Variants in GRIN2A observed in about 807,000 individuals in gnomAD.
GRIN2A encodes glutamate receptor ionotropic, NMDA 2A.
GRIN2A carries 22 observed loss-of-function variants against 113.4 expected under a neutral mutation model. That is an observed-to-expected ratio of 0.19 (90% CI 0.14 to 0.28). The LOEUF is 0.28. Ranked by LOEUF, GRIN2A falls within the 10% of genes least tolerant of loss-of-function variation. The probability of loss-of-function intolerance (pLI) is 1.00; values close to 1 mark genes in which losing one functional copy is unlikely to be tolerated. For synonymous variants in GRIN2A, 827 were observed against 738.4 expected (o/e 1.12, Z -1.94); for missense variants, 1,502 against 1,887.0 (o/e 0.80, Z 3.78).
intron 2 of GRIN2A, among the ~76,000 whole-genome samples, chr16:10,116,645 C>G (rs915849469): frequency 3.3e-5 from 5 of 152,008 alleles, no homozygotes; most frequent in African/African-American, 9.7e-5. Context: ...AAAAATAAGA[C>G]AGGAAAGGAA....
At chr16:9,985,372 ATCAAGGAGACATC>A (rs1002247750) in intron 2 of GRIN2A, among the ~76,000 whole-genome samples, 1 of 152,236 alleles carries the variant, frequency 6.6e-6, no homozygotes, top group Non-Finnish European at 1.5e-5. Context: ...AGAGGAAAAT[ATCAAGGAGACATC>A]TGCACTCCCA....
chr16:10,082,781 C>T (rs2048008778), intron 2 of GRIN2A, among the ~76,000 whole-genome samples: 1 of 152,208 alleles, frequency 6.6e-6, no homozygotes, highest in Non-Finnish European at 1.5e-5. Context: ...ATAGCTGATA[C>T]ACAAGCCAAG....
intron 2 of GRIN2A, among the ~76,000 whole-genome samples, chr16:10,073,562 A>T (rs1233814490): frequency 1.3e-5 from 2 of 152,166 alleles, no homozygotes; most frequent in Non-Finnish European, 2.9e-5. Context: ...AGAAATTCCT[A>T]ATCTACCGTG....
intron 11 of GRIN2A, among the ~76,000 whole-genome samples, chr16:9,770,590 C>T (rs1032258762): frequency 6.6e-6 from 1 of 152,120 alleles, no homozygotes; most frequent in Non-Finnish European, 1.5e-5. Flanking sequence ...TATATTTTCT[C>T]TCTAGTTGCT....
Position 9,798,269 on chromosome 16 carries a change from G to T in GRIN2A, c.2356+8C>A, listed in dbSNP as rs1282296149. 1 of 1,612,602 alleles carries T rather than the reference G, an allele frequency of 6.2e-7. No homozygotes were observed. The highest frequency in any genetic ancestry group is 1.7e-5 in the Admixed American group (1 of 59,976). On this transcript the variant is annotated splice_region_variant and intron_variant, in intron 11 of 12. Coordinates refer to ENST00000330684, the MANE Select transcript of GRIN2A (RefSeq NM_001134407.3). ...CCCCCTAAAGAAAGGGGTCACCCGG[G>T]GTCTTACCATCACCCACAAACTGAA...
intron 2 of GRIN2A, among the ~76,000 whole-genome samples, chr16:10,001,547 C>G (rs1313889523): frequency 6.6e-6 from 1 of 152,194 alleles, no homozygotes; most frequent in Non-Finnish European, 1.5e-5. Flanking sequence ...ATCGTGAACA[C>G]AACATGGGAA....
Position 10,039,785 on chromosome 16 carries a change from G to GGGAGGGGGAGA in GRIN2A, c.415-101235_415-101234insTCTCCCCCTCC, listed in dbSNP as rs1444247762. ...GCAAGGGAGGGAGAGGGAGGGGGAGGGGGAGGGGGAGGGGGAGGGGGGGGA... is the reference window on the plus strand; with the variant it reads ...GCAAGGGAGGGAGAGGGAGGGGGAGGGGAGGGGGAGAGGGAGGGGGAGGGGGAGGGGGGGGA... On this transcript the variant is annotated intron_variant, in intron 2 of 12. Coordinates refer to ENST00000330684, the MANE Select transcript of GRIN2A (RefSeq NM_001134407.3). Among the ~76,000 whole-genome samples the GGGAGGGGGAGA allele has an allele frequency of 1.6e-3, 118 of 75,888 alleles. 1 individual carries two copies. The highest frequency in any genetic ancestry group is 5.1e-3 in the African/African-American group (115 of 22,462). The allele number at this position is 75,888 out of a possible 152,430, so 49.8% of individuals were successfully genotyped here. A position where few individuals can be genotyped will look rare whatever the true frequency, so the allele number is the denominator to read the frequency against.
At chr16:9,979,000 G>A (rs1054248956) in intron 2 of GRIN2A, among the ~76,000 whole-genome samples, 1 of 152,174 alleles carries the variant, frequency 6.6e-6, no homozygotes, top group East Asian at 1.9e-4. Context: ...AAATCCTGAC[G>A]TTGATTTCAG....
At chr16:9,846,050 A>G (rs9934443) in intron 5 of GRIN2A, among the ~76,000 whole-genome samples, 8,059 of 152,296 alleles carry the variant, frequency 0.053, 709 homozygotes, top group African/African-American at 0.18. Context: ...ACTTATAACA[A>G]TGTCTGTGTT....
intron 10 of GRIN2A, among the ~76,000 whole-genome samples, chr16:9,803,541 C>T (rs1448707805): frequency 6.6e-6 from 1 of 152,152 alleles, no homozygotes; most frequent in Non-Finnish European, 1.5e-5. Context: ...ATGCTCGAAA[C>T]ACATAAATGC....
At chr16:9,813,600 T>C (rs1361465072) in intron 10 of GRIN2A, among the ~76,000 whole-genome samples, 1 of 151,482 alleles carries the variant, frequency 6.6e-6, no homozygotes, top group Non-Finnish European at 1.5e-5. Flanking sequence ...GACATTTTTT[T>C]CTACTTTAAA....
At chr16:9,867,701 C>T (rs936081667) in intron 4 of GRIN2A, among the ~76,000 whole-genome samples, 3 of 152,208 alleles carry the variant, frequency 2.0e-5, no homozygotes, top group Non-Finnish European at 4.4e-5. Flanking sequence ...TGTCAGGACA[C>T]TACCATTACC....
At chr16:10,015,807 A>G (rs529889656) in intron 2 of GRIN2A, among the ~76,000 whole-genome samples, 2 of 152,322 alleles carry the variant, frequency 1.3e-5, no homozygotes, top group South Asian at 4.2e-4. Flanking sequence ...AGTGTGGGAA[A>G]TGGACAGCCA....
intron 11 of GRIN2A, among the ~76,000 whole-genome samples, chr16:9,790,508 C>T (rs1247754901): frequency 1.3e-5 from 2 of 152,130 alleles, no homozygotes; most frequent in Non-Finnish European, 2.9e-5. Flanking sequence ...TAAATATGTG[C>T]ATATATGTGC....
chr16:9,809,910 G>C (rs562680501), intron 10 of GRIN2A, among the ~76,000 whole-genome samples: 1 of 151,950 alleles, frequency 6.6e-6, no homozygotes, highest in Admixed American at 6.6e-5. Flanking sequence ...TCTACTAAAA[G>C]TACAAAAATT....
At chr16:9,901,117 G>C (rs1373421589) in intron 3 of GRIN2A, among the ~76,000 whole-genome samples, 1 of 152,172 alleles carries the variant, frequency 6.6e-6, no homozygotes, top group Non-Finnish European at 1.5e-5. Context: ...CAGGGATTTT[G>C]CCTGGTTTTT....
At chr16:9,794,498 G>A (rs1902844808) in intron 11 of GRIN2A, 1 of 152,188 alleles carries the variant, frequency 6.6e-6, no homozygotes, top group African/African-American at 2.4e-5. Flanking sequence ...ATGCAGCTGT[G>A]TTAATTCATG....
chr16:9,815,535 C>A (rs1481394489), intron 10 of GRIN2A, among the ~76,000 whole-genome samples: 3 of 151,610 alleles, frequency 2.0e-5, no homozygotes, highest in Non-Finnish European at 4.4e-5. Flanking sequence ...GCGCTCGATA[C>A]CACTAATCAT....
chr16:10,036,466 T>C (rs1266038181), intron 2 of GRIN2A, among the ~76,000 whole-genome samples: 2 of 104,496 alleles, frequency 1.9e-5, no homozygotes, highest in African/African-American at 3.6e-5. Context: ...TTTTTTTTTT[T>C]TTTTTTTTTT....
Sources: gnomAD v4.1 joint callset for allele counts (sites outside exome capture counted in the v4.1 genomes callset) on GRCh38, gnomAD v4.1.1 for gene constraint, MANE v1.5 for transcripts, NCBI Gene and HGNC (gene_info 2026-07-23, HGNC 2026-07-21) for gene names.